TMEM131: variants seen among roughly 807,000 people sequenced by gnomAD.
TMEM131 encodes the protein transmembrane protein 131.
TMEM131 carries 66 observed loss-of-function variants against 211.6 expected under a neutral mutation model. That is an observed-to-expected ratio of 0.31 (90% CI 0.26 to 0.38). TMEM131 has a LOEUF of 0.38. Among genes scored for constraint, TMEM131 ranks in the 10% least tolerant of loss-of-function variants. The pLI is 1.00. For synonymous variants in TMEM131, 844 were observed against 841.3 expected (o/e 1.00, Z -0.06); for missense variants, 2,036 against 2,299.3 (o/e 0.89, Z 2.34).
chr2:97,986,912 A>T (rs1433767354), intron 1 of TMEM131, among the ~76,000 whole-genome samples: 1 of 152,256 alleles, frequency 6.6e-6, no homozygotes, highest in Admixed American at 6.5e-5. Flanking sequence ...GATCTTTATA[A>T]ATACAGTTAG....
intron 1 of TMEM131, among the ~76,000 whole-genome samples, chr2:97,991,265 A>G (rs1680250793): frequency 6.6e-6 from 1 of 152,230 alleles, no homozygotes; most frequent in Non-Finnish European, 1.5e-5. Context: ...AAGGCAGTAC[A>G]CAATTAGGTG....
chr2:97,848,114 G>A (rs994609305), intron 5 of TMEM131, among the ~76,000 whole-genome samples: 1 of 152,118 alleles, frequency 6.6e-6, no homozygotes, highest in Non-Finnish European at 1.5e-5. Flanking sequence ...TATTAGATAC[G>A]TATTAGAACA....
intron 4 of TMEM131, among the ~76,000 whole-genome samples, chr2:97,883,759 G>A (rs1052124284): frequency 6.6e-6 from 1 of 152,002 alleles, no homozygotes; most frequent in Non-Finnish European, 1.5e-5. Context: ...AAATTTTGAT[G>A]TTCTTTATTA....
chr2:97,808,684 G>A (rs576248677), intron 19 of TMEM131, among the ~76,000 whole-genome samples: 8 of 152,280 alleles, frequency 5.3e-5, no homozygotes, highest in East Asian at 1.9e-4. Flanking sequence ...TCTCTCATCC[G>A]TTTCCTAGAG....
intron 11 of TMEM131, among the ~76,000 whole-genome samples, chr2:97,826,855 G>A (rs1040142843): frequency 1.3e-5 from 2 of 152,024 alleles, no homozygotes; most frequent in Non-Finnish European, 2.9e-5. Context: ...CAAGGACATA[G>A]CCTGAAAGCA....
At chr2:97,846,736 C>T (rs1325207073) in intron 5 of TMEM131, among the ~76,000 whole-genome samples, 2 of 152,170 alleles carry the variant, frequency 1.3e-5, no homozygotes, top group African/African-American at 4.8e-5. Flanking sequence ...AATTCTTCTT[C>T]TTCCAATGTG....
intron 35 of TMEM131, chr2:97,762,456 T>G: frequency 5.8e-6 from 2 of 342,178 alleles, no homozygotes. Flanking sequence ...ATGTCTTCAC[T>G]TCTCCCACCT....
At chr2:97,811,011 T>A in intron 18 of TMEM131, 117 bp downstream of exon 18, 1 of 750,532 alleles carries the variant, frequency 1.3e-6, no homozygotes, top group Non-Finnish European at 2.3e-6. Flanking sequence ...GTTTTTAAGG[T>A]ATGAAACTGG....
At chr2:97,910,890 C>A (rs1559441834) in intron 2 of TMEM131, among the ~76,000 whole-genome samples, 3 of 152,086 alleles carry the variant, frequency 2.0e-5, no homozygotes, top group Non-Finnish European at 4.4e-5. Flanking sequence ...GTTAAACATA[C>A]ACCTACCATA....
intron 5 of TMEM131, among the ~76,000 whole-genome samples, chr2:97,844,938 T>C (rs1559396744): frequency 6.6e-6 from 1 of 152,124 alleles, no homozygotes; most frequent in Non-Finnish European, 1.5e-5. Flanking sequence ...TCTGCCTCTA[T>C]GGCTAGAACT....
At chr2:97,975,000 C>G (rs1231800093) in intron 1 of TMEM131, among the ~76,000 whole-genome samples, 1 of 152,114 alleles carries the variant, frequency 6.6e-6, no homozygotes, top group African/African-American at 2.4e-5. Flanking sequence ...ACTCCAACAA[C>G]AGCAGAAGAC....
chr2:97,955,226 T>C (rs1056986601), intron 1 of TMEM131, among the ~76,000 whole-genome samples: 1 of 152,158 alleles, frequency 6.6e-6, no homozygotes, highest in Non-Finnish European at 1.5e-5. Flanking sequence ...CAAAATCATA[T>C]GATCATGTCA....
At chr2:97,975,178 A>C (rs758513874) in intron 1 of TMEM131, among the ~76,000 whole-genome samples, 51 of 152,156 alleles carry the variant, frequency 3.4e-4, no homozygotes, top group Non-Finnish European at 6.2e-4. Flanking sequence ...ACCTCAAATC[A>C]AAAACCTCAG....
chr2:97,801,892 T>C lies in TMEM131; in HGVS notation c.2718+3A>G. ...TGGAATAGTATGAAGTTTGAATACT[T>C]ACACTGTTTCTGAAGACTTGAAATT... is the stretch of plus-strand genomic sequence containing the variant. On this transcript the variant is annotated splice_donor_region_variant and intron_variant, in intron 25 of 40. Coordinates refer to ENST00000186436, the MANE Select transcript of TMEM131 (RefSeq NM_015348.2). 1 of 1,599,066 alleles carries C rather than the reference T, an allele frequency of 6.3e-7. No homozygotes were observed. Among genetic ancestry groups the C allele is most frequent in the Non-Finnish European group, 8.5e-7 (1 of 1,169,840 alleles).
chr2:97,802,459 G>A lies in TMEM131; in HGVS notation c.2620C>T (p.Pro874Ser). The change falls in exon 24 of 41, where the codon CCT (proline) becomes TCT (serine). Residue 874 changes from proline (P) to serine (S), a missense_variant. Around this residue, in one of 3 missense-constraint regions of TMEM131, gnomAD observed 1,623 missense variants for 1,805.9 expected, o/e 0.90. Coordinates refer to ENST00000186436, the MANE Select transcript of TMEM131 (RefSeq NM_015348.2). ...QFIPLALYSN[P>S]SVFVDKLVSR... ...ACTAACTTATCTACAAACACTGAAG[G>A]GTTGGAATATAAAGCCAGAGGAATA... The A allele has an allele frequency of 3.1e-6, 5 of 1,611,330 alleles. No individual in the cohort carries two copies. The highest frequency in any genetic ancestry group is 4.2e-6 in the Non-Finnish European group (5 of 1,178,924).
intron 3 of TMEM131, among the ~76,000 whole-genome samples, chr2:97,894,940 T>A (rs985302272): frequency 6.6e-6 from 1 of 152,334 alleles, no homozygotes; most frequent in East Asian, 1.9e-4. Context: ...GGCATCCTTG[T>A]CTTGTGCCAG....
intron 35 of TMEM131, 26 bp downstream of exon 35, chr2:97,766,088 T>G (rs1324733076): frequency 1.2e-6 from 2 of 1,612,652 alleles, no homozygotes; most frequent in Non-Finnish European, 8.5e-7. Context: ...AGTGGAGCCC[T>G]GTGGTTTCTA....
chr2:97,901,163 G>A (rs11679828), intron 3 of TMEM131, among the ~76,000 whole-genome samples: 47,067 of 151,950 alleles, frequency 0.31, 8,606 homozygotes, highest in Non-Finnish European at 0.39. Context: ...TGCAAAATAC[G>A]GGAAACAAAT....
intron 5 of TMEM131, among the ~76,000 whole-genome samples, chr2:97,851,967 A>T (rs1223934740): frequency 6.6e-6 from 1 of 152,208 alleles, no homozygotes; most frequent in Non-Finnish European, 1.5e-5. Context: ...ACATGCTCAA[A>T]GCCAAGAGAG....
Sources: gnomAD v4.1 joint callset for allele counts (sites outside exome capture counted in the v4.1 genomes callset) on GRCh38, gnomAD v4.1.1 for gene constraint, gnomAD v4.1.1 regional missense constraint, MANE v1.5 for transcripts, NCBI Gene and HGNC (gene_info 2026-07-23, HGNC 2026-07-21) for gene names.